Variants in NLGN3 observed in about 807,000 individuals in gnomAD.
The protein encoded by NLGN3 is neuroligin-3.
A neutral mutation model predicts 42.9 loss-of-function variants in NLGN3; 11 were observed. That is an observed-to-expected ratio of 0.26 (90% CI 0.16 to 0.42). The LOEUF is 0.42. Ranked by LOEUF, NLGN3 falls within the 10% of genes least tolerant of loss-of-function variation. NLGN3 has a pLI of 1.00. For synonymous variants in NLGN3, 279 were observed against 312.7 expected (o/e 0.89, Z 1.14); for missense variants, 374 against 733.8 (o/e 0.51, Z 5.67).
At chrX:71,154,393 A>G (rs1376928934) in intron 4 of NLGN3, among the ~76,000 whole-genome samples, 2 of 112,727 alleles carry the variant, frequency 1.8e-5, no homozygotes, top group Non-Finnish European at 3.8e-5. Flanking sequence ...CTACAGGCAG[A>G]GGTGATCAGG....
Position 71,148,159 on chromosome X carries a change from C to T in NLGN3, c.410C>T (p.Pro137Leu), listed in dbSNP as rs2092377840. The T allele has an allele frequency of 8.3e-7, 1 of 1,209,075 alleles. No individual in the cohort carries two copies. The highest frequency in any genetic ancestry group is 2.2e-5 in the Admixed American group (1 of 45,695). ...ATCGTCGCTACTTACATCCAGGAGC[C>T]CAACGAAGACTGTCTCTACCTGAAC... ...LDIVATYIQE[P>L]NEDCLYLNVY... The change falls in exon 2 of 8, where the codon CCC becomes CTC. Residue 137 changes from proline (P) to leucine (L), a missense_variant. Physicochemically the swap from Pro to Leu is moderately conservative, Grantham distance 98. Transcript: ENST00000358741.
In NLGN3 at chrX:71,170,959, G is replaced by C; in HGVS notation, c.*862G>C. 2 of 754,682 alleles carry C rather than the reference G, an allele frequency of 2.7e-6. No homozygotes were observed. Among genetic ancestry groups the C allele is most frequent in the Non-Finnish European group, 3.1e-6 (2 of 639,417 alleles). 62.2% of individuals were successfully genotyped at this position (754,682 alleles called of 1,213,427 possible). A position where few individuals can be genotyped will look rare whatever the true frequency, so the allele number is the denominator to read the frequency against. ...ACATCACTATTGGGCCCCCAGGTCT[G>C]ATCTGGGTTTTGCCTCTGCCCTTGG... On this transcript the variant is annotated 3_prime_UTR_variant, in exon 8 of 8. Transcript: ENST00000358741.
At chrX:71,155,844 A>T (rs1257937602) in intron 5 of NLGN3, among the ~76,000 whole-genome samples, 1 of 110,646 alleles carries the variant, frequency 9.0e-6, no homozygotes, top group Non-Finnish European at 1.9e-5. Context: ...TCACCCCCAT[A>T]AAGTACACAC....
rs199934486 is a variant in NLGN3, at chrX:71,170,028, C to G, written c.2478C>G (p.Pro826=). Residue 826 remains proline, a synonymous_variant, in exon 8 of 8, where the codon CCC becomes CCG. Transcript: ENST00000358741. ...TGGTAGGGCTGCAGACATTGCACCCCTATAACACCTTTGCCGCAGGGTTCA... is the reference window on the plus strand; with the variant it reads ...TGGTAGGGCTGCAGACATTGCACCCGTATAACACCTTTGCCGCAGGGTTCA... ...NSLVGLQTLH[P]YNTFAAGFNS... 4 of 1,207,486 alleles carry G rather than the reference C, an allele frequency of 3.3e-6. No homozygotes were observed. The highest frequency in any genetic ancestry group is 3.4e-6 in the Non-Finnish European group (3 of 894,441).
chrX:71,166,246 C>T (rs1219399250), intron 6 of NLGN3, among the ~76,000 whole-genome samples: 1 of 110,548 alleles, frequency 9.0e-6, no homozygotes, highest in African/African-American at 3.3e-5. Context: ...CACCTGAAGT[C>T]GGAAGTTCAA....
At chrX:71,169,146 G>A (rs2147913723) in intron 7 of NLGN3, 108 bp from the exon 8 acceptor site, 1 of 929,294 alleles carries the variant, frequency 1.1e-6, no homozygotes, top group South Asian at 2.1e-5. Flanking sequence ...GATGGAAATG[G>A]TGGGAAGTTC....
intron 5 of NLGN3, among the ~76,000 whole-genome samples, chrX:71,163,821 G>A (rs919100595): frequency 8.9e-6 from 1 of 111,807 alleles, no homozygotes; most frequent in East Asian, 2.8e-4. Context: ...GTCCCCAATA[G>A]TACATCAGGG....
chrX:71,163,851 G>A (rs1334982642), intron 5 of NLGN3, among the ~76,000 whole-genome samples: 2 of 111,956 alleles, frequency 1.8e-5, no homozygotes, highest in Non-Finnish European at 3.8e-5. Flanking sequence ...CTGAGTTCTG[G>A]ACATTTGCAG....
At chrX:71,156,491 C>G (rs1197799243) in intron 5 of NLGN3, among the ~76,000 whole-genome samples, 1 of 110,786 alleles carries the variant, frequency 9.0e-6, no homozygotes, top group African/African-American at 3.3e-5. Context: ...CATTCCCCCA[C>G]ACACACATCC....
chrX:71,162,983 A>G (rs781291790), intron 5 of NLGN3, among the ~76,000 whole-genome samples: 19 of 112,173 alleles, frequency 1.7e-4, no homozygotes, highest in South Asian at 3.7e-4. Flanking sequence ...GGGCAGGAGA[A>G]GACAGAGCCT....
At chrX:71,172,976 CT>C (rs10615778), downstream of NLGN3, among the ~76,000 whole-genome samples, 318 of 99,849 alleles carry the variant, frequency 3.2e-3, 1 homozygote, top group Middle Eastern at 0.015. Flanking sequence ...GATTATATGA[CT>C]TTTTTTTTTT....
intron 1 of NLGN3, 131 bp from the exon 2 acceptor site, chrX:71,147,419 C>T (rs1812817108): frequency 2.9e-6 from 1 of 343,653 alleles, no homozygotes; most frequent in Non-Finnish European, 5.1e-6. Context: ...GATCACAGTC[C>T]CTGGGCCCCT....
chrX:71,162,865 G>C (rs1433246862), intron 5 of NLGN3, among the ~76,000 whole-genome samples: 1 of 111,926 alleles, frequency 8.9e-6, no homozygotes, highest in African/African-American at 3.3e-5. Flanking sequence ...TCCAGGTGCT[G>C]TGAATGAGCT....
chrX:71,147,684 G>A lies in NLGN3; in HGVS notation c.-66G>A. On this transcript the variant is annotated 5_prime_UTR_variant, in exon 2 of 8. Coordinates refer to ENST00000358741, the MANE Select transcript of NLGN3 (RefSeq NM_181303.2). ...TTCAAGTCAGTGTGGCCATGAAGGG[G>A]CTGCCTATTGGGCTGATGCTGTGAC... 6 of 976,409 alleles carry A rather than the reference G, an allele frequency of 6.1e-6. No individual in the cohort carries two copies. The allele number at this position is 976,409 out of a possible 1,213,427, so 80.5% of individuals were successfully genotyped here.
chrX:71,148,919 C>A lies in NLGN3; in HGVS notation c.517+14C>A. The A allele has an allele frequency of 9.7e-7, 1 of 1,034,873 alleles. No individual in the cohort carries two copies. Among genetic ancestry groups the A allele is most frequent in the Admixed American group, 3.1e-5 (1 of 32,309 alleles). 85.3% of individuals were successfully genotyped at this position (1,034,873 alleles called of 1,213,427 possible). A position where few individuals can be genotyped will look rare whatever the true frequency, so the allele number is the denominator to read the frequency against. ...GTAGGAAAGGAGGTAGGTAGCGAGC[C>A]GGCGGGGAGGGAGAGAGAGAGAGAG... On this transcript the variant is annotated intron_variant, in intron 3 of 7. Coordinates refer to ENST00000358741, the MANE Select transcript of NLGN3 (RefSeq NM_181303.2).
chrX:71,171,631 TTC>T, downstream of NLGN3: 1 of 748,564 alleles, frequency 1.3e-6, no homozygotes, highest in Non-Finnish European at 1.6e-6. Context: ...CGTGCTGAAA[TTC>T]TTTCTCCTAT....
In NLGN3 at chrX:71,167,438, G is replaced by A. The variant is rs2092450641; in HGVS notation, c.1341G>A (p.Lys447=). 4 of 1,211,245 alleles carry A rather than the reference G, an allele frequency of 3.3e-6. No homozygotes were observed. The highest frequency in any genetic ancestry group is 4.5e-6 in the Non-Finnish European group (4 of 895,257). Residue 447 remains lysine, a synonymous_variant, in exon 7 of 8, where the codon AAG becomes AAA. Transcript: ENST00000358741. ...VDNLYGYPEG[K]DTLRETIKFM... is the part of the protein sequence containing the mutation. ...ATCTGTATGGCTATCCTGAGGGTAAGGACACCCTGCGAGAGACCATCAAGT... is the reference window on the plus strand; with the variant it reads ...ATCTGTATGGCTATCCTGAGGGTAAAGACACCCTGCGAGAGACCATCAAGT...
chrX:71,173,925 AG>A (rs974364203), downstream of NLGN3, among the ~76,000 whole-genome samples: 4 of 111,675 alleles, frequency 3.6e-5, no homozygotes, highest in Admixed American at 9.5e-5. Flanking sequence ...TCCAAATTGG[AG>A]GGAAACCTCA....
chrX:71,146,124 T>TTCTCTC (rs751338166), intron 1 of NLGN3, among the ~76,000 whole-genome samples: 2 of 49,094 alleles, frequency 4.1e-5, no homozygotes, highest in Admixed American at 5.0e-4. Context: ...TTCCTTTTTC[T>TTCTCTC]TCTCTCTCTC....
Sources: allele counts gnomAD v4.1 joint callset (sites outside exome capture counted in the v4.1 genomes callset), GRCh38; gene constraint gnomAD v4.1.1; transcripts MANE v1.5; gene names NCBI Gene and HGNC (gene_info 2026-07-23, HGNC 2026-07-21).